GFRA2: variants seen among roughly 807,000 people sequenced by gnomAD.
GFRA2 encodes GDNF family receptor alpha 2, also known as GDNF family receptor alpha-2.
A neutral mutation model predicts 48.3 loss-of-function variants in GFRA2; 17 were observed. The observed-to-expected ratio is 0.35, with a 90% CI of 0.24 to 0.53. The LOEUF (loss-of-function observed/expected upper bound fraction) is 0.53. GFRA2 is among the 20% of genes least tolerant of loss of function. The pLI is 0.93. For missense variants in GFRA2, 660 were observed against 637.3 expected (o/e 1.04, Z -0.38); for synonymous variants, 305 against 257.2 (o/e 1.19, Z -1.78).
intron 2 of GFRA2, among the ~76,000 whole-genome samples, chr8:21,800,315 AG>A (rs1186944130): frequency 3.9e-5 from 6 of 152,248 alleles, no homozygotes; most frequent in African/African-American, 1.4e-4. Flanking sequence ...GTAAAATAAT[AG>A]ATGTCTAACT....
intron 4 of GFRA2, among the ~76,000 whole-genome samples, chr8:21,721,793 C>A (rs1465220759): frequency 6.6e-6 from 1 of 152,156 alleles, no homozygotes; most frequent in Non-Finnish European, 1.5e-5. Flanking sequence ...CTGCCCACCA[C>A]ATCCCAGACC....
chr8:21,778,023 A>G (rs1284882055), intron 2 of GFRA2, among the ~76,000 whole-genome samples: 1 of 152,120 alleles, frequency 6.6e-6, no homozygotes, highest in Non-Finnish European at 1.5e-5. Context: ...GTGCGCCTTG[A>G]CTGCATACTG....
chr8:21,749,916 G>A (rs1433552581), intron 4 of GFRA2, among the ~76,000 whole-genome samples: 2 of 152,054 alleles, frequency 1.3e-5, no homozygotes, highest in African/African-American at 2.4e-5. Context: ...ATGACATAAC[G>A]TAGGTCCAAA....
intron 3 of GFRA2, among the ~76,000 whole-genome samples, chr8:21,751,558 A>C (rs1428441414): frequency 6.6e-6 from 1 of 152,262 alleles, no homozygotes; most frequent in Non-Finnish European, 1.5e-5. Flanking sequence ...AGTCACACCC[A>C]GTAGTGCAGT....
chr8:21,720,472 G>T (rs1234724942), intron 4 of GFRA2, among the ~76,000 whole-genome samples: 1 of 152,138 alleles, frequency 6.6e-6, no homozygotes, highest in Non-Finnish European at 1.5e-5. Context: ...GTTATGAGGA[G>T]CCCTGTGTAT....
chr8:21,712,977 G>A (rs1049199450), intron 4 of GFRA2, among the ~76,000 whole-genome samples: 1 of 151,472 alleles, frequency 6.6e-6, no homozygotes, highest in South Asian at 2.1e-4. Flanking sequence ...GCTTCGGCTC[G>A]GCATCAGAGG....
At chr8:21,799,587 C>T (rs1472025909) in intron 2 of GFRA2, among the ~76,000 whole-genome samples, 5 of 152,196 alleles carry the variant, frequency 3.3e-5, no homozygotes, top group African/African-American at 1.2e-4. Context: ...TCTATAAAGA[C>T]TCAGTCCATT....
chr8:21,776,526 G>A (rs1198367409), intron 2 of GFRA2, among the ~76,000 whole-genome samples: 1 of 149,302 alleles, frequency 6.7e-6, no homozygotes, highest in African/African-American at 2.5e-5. Flanking sequence ...GGAGTACAGT[G>A]GCACGATCTT....
chr8:21,731,614 T>G (rs1422326694), intron 4 of GFRA2, among the ~76,000 whole-genome samples: 1 of 152,132 alleles, frequency 6.6e-6, no homozygotes, highest in African/African-American at 2.4e-5. Context: ...CATGAACTCC[T>G]AAGAAAATCC....
In GFRA2 at chr8:21,693,194, T is replaced by A. The variant is rs1019053253; in HGVS notation, c.*84A>T. ...CAATTTTTTTTTTGCAAGGTGTGTGTGTGTCTGTGTGTGTTTCCATTTCGT... is the reference window on the plus strand; with the variant it reads ...CAATTTTTTTTTTGCAAGGTGTGTGAGTGTCTGTGTGTGTTTCCATTTCGT... On this transcript the variant is annotated 3_prime_UTR_variant, in exon 9 of 9. Coordinates refer to ENST00000524240, the MANE Select transcript of GFRA2 (RefSeq NM_001495.5). 2 of 1,378,146 alleles carry A rather than the reference T, an allele frequency of 1.5e-6. No individual in the cohort carries two copies. 85.4% of individuals were successfully genotyped at this position (1,378,146 alleles called of 1,614,324 possible).
chr8:21,694,606 C>A, intron 7 of GFRA2, 89 bp from the exon 8 acceptor site: 1 of 1,219,262 alleles, frequency 8.2e-7, no homozygotes, highest in Non-Finnish European at 1.2e-6. Flanking sequence ...CCCCGCCATG[C>A]ACTGTTGGCT....
At chr8:21,703,113 C>T in intron 6 of GFRA2, 136 bp from the exon 7 acceptor site, 1 of 518,792 alleles carries the variant, frequency 1.9e-6, no homozygotes. Flanking sequence ...CATAGCACAG[C>T]CAGATTCCCT....
intron 3 of GFRA2, among the ~76,000 whole-genome samples, chr8:21,752,232 T>G (rs540080277): frequency 1.3e-5 from 2 of 152,266 alleles, no homozygotes; most frequent in African/African-American, 4.8e-5. Flanking sequence ...CACTCCATTT[T>G]TCTGCTCCCC....
intron 3 of GFRA2, among the ~76,000 whole-genome samples, chr8:21,753,716 G>A (rs1156603815): frequency 6.6e-6 from 1 of 152,194 alleles, no homozygotes; most frequent in African/African-American, 2.4e-5. Flanking sequence ...TTTGATCTAT[G>A]ATGTTAAACA....
intron 4 of GFRA2, among the ~76,000 whole-genome samples, chr8:21,706,879 G>T (rs952213272): frequency 2.0e-5 from 3 of 152,202 alleles, no homozygotes; most frequent in Non-Finnish European, 2.9e-5. Flanking sequence ...TGGAACATGG[G>T]GAATCCAAGT....
intron 4 of GFRA2, among the ~76,000 whole-genome samples, chr8:21,739,735 T>C (rs1216722947): frequency 6.8e-6 from 1 of 147,260 alleles, no homozygotes; most frequent in African/African-American, 2.7e-5. Flanking sequence ...CAAAACATCC[T>C]GGGCAGGACT....
intron 4 of GFRA2, among the ~76,000 whole-genome samples, chr8:21,713,716 C>T (rs1803188074): frequency 6.6e-6 from 1 of 152,188 alleles, no homozygotes; most frequent in African/African-American, 2.4e-5. Flanking sequence ...TCCACCCTAT[C>T]TCCCTGCCTG....
intron 4 of GFRA2, among the ~76,000 whole-genome samples, chr8:21,711,309 C>G (rs1218374744): frequency 6.6e-6 from 1 of 152,016 alleles, no homozygotes; most frequent in East Asian, 1.9e-4. Flanking sequence ...GCATGAGAGA[C>G]AGAGAGAAAG....
At position 21,788,699 on chromosome 8, in the gene GFRA2, C is replaced by T. The variant is rs1807410791; in HGVS notation, c.-540G>A. 4.1e-6 allele frequency: 4 copies of T among 978,686 alleles called. No individual in the cohort carries two copies. The highest frequency in any genetic ancestry group is 1.8e-5 in the African/African-American group (1 of 57,054). The allele number at this position is 978,686 out of a possible 1,614,324, so 60.6% of individuals were successfully genotyped here. On this transcript the variant is annotated 5_prime_UTR_variant, in exon 1 of 9. Transcript: ENST00000524240. ...GACGAGAGACTGGAGTCGCTTCTTT[C>T]GCACCAAGACGAAGACAAGATTCAA...
Sources: gnomAD v4.1 joint callset for allele counts (sites outside exome capture counted in the v4.1 genomes callset) on GRCh38, gnomAD v4.1.1 for gene constraint, MANE v1.5 for transcripts, NCBI Gene and HGNC (gene_info 2026-07-23, HGNC 2026-07-21) for gene names.